RIC3: variants seen among roughly 807,000 people sequenced by gnomAD.
RIC3 encodes RIC3 acetylcholine receptor chaperone.
A neutral mutation model predicts 27.3 loss-of-function variants in RIC3; 28 were observed. That is an observed-to-expected ratio of 1.02 (90% CI 0.76 to 1.41). The LOEUF (loss-of-function observed/expected upper bound fraction) is 1.41, where lower values mean the gene tolerates loss of function less well. RIC3 is among the 40% of genes most tolerant of loss of function. RIC3 has a pLI of 0.00. For synonymous variants in RIC3, 184 were observed against 160.4 expected (o/e 1.15, Z -1.11); for missense variants, 501 against 444.7 (o/e 1.13, Z -1.14).
At chr11:8,167,251 CA>C (rs1474232523) in intron 1 of RIC3, among the ~76,000 whole-genome samples, 1 of 151,540 alleles carries the variant, frequency 6.6e-6, no homozygotes, top group African/African-American at 2.4e-5. Flanking sequence ...AAGGTGAAGA[CA>C]AAAAAACAAA....
Position 8,140,113 on chromosome 11 carries a change from T to TC in RIC3, c.204dup (p.Arg69GlufsTer23). On this transcript the variant is annotated frameshift_variant, in exon 2 of 6. Coordinates refer to ENST00000309737, the MANE Select transcript of RIC3 (RefSeq NM_001206671.4). LOFTEE classifies it high-confidence loss of function. Reference sequence around the variant, plus strand: ...GCAAATGCCTCGGCAAGGTGAGACCTCTGGAAACGAGCCCCAGGAGTCTGG... The same window carrying TC: ...GCAAATGCCTCGGCAAGGTGAGACCTCCTGGAAACGAGCCCCAGGAGTCTGG... 6.2e-7 allele frequency: 1 copy of TC among 1,614,102 alleles called. No individual in the cohort carries two copies. Among genetic ancestry groups the TC allele is most frequent in the Non-Finnish European group, 8.5e-7 (1 of 1,180,012 alleles).
chr11:8,100,625 C>G, the RIC3 span: 15 of 1,604,948 alleles, frequency 9.3e-6, no homozygotes, highest in East Asian at 6.7e-5. Flanking sequence ...CCTTCCTCCC[C>G]TCTTTCCCCA....
rs1403603539 is a variant in RIC3 at position 8,106,251 on chromosome 11, G to T, written c.*4447C>A. 1 of 152,068 alleles carries T rather than the reference G, an allele frequency of 6.6e-6. No individual in the cohort carries two copies. Among genetic ancestry groups the T allele is most frequent in the Non-Finnish European group, 1.5e-5 (1 of 68,002 alleles). 9.4% of individuals were successfully genotyped at this position (152,068 alleles called of 1,614,324 possible). On this transcript the variant is annotated 3_prime_UTR_variant, in exon 6 of 6. Coordinates refer to ENST00000309737, the MANE Select transcript of RIC3 (RefSeq NM_001206671.4). ...ACTTGAATCGTTTCAACACTTCTGT[G>T]TACTTTTTTCATAAAGGGGAAAAAA...
rs551935966 is a variant in RIC3, at chr11:8,140,098, C to A, written c.220G>T (p.Glu74Ter). The A allele has an allele frequency of 4.3e-6, 7 of 1,613,992 alleles. No homozygotes were observed. The highest frequency in any genetic ancestry group is 4.0e-5 in the African/African-American group (3 of 74,898). Residue 74 changes from glutamate to a stop codon, truncating the protein, a stop_gained, in exon 2 of 6, where the codon GAG (glutamate) becomes TAG (stop). Transcript: ENST00000309737. LOFTEE classifies it high-confidence loss of function. ...GATCCTTTGGCCTTTGCAAATGCCT[C>A]GGCAAGGTGAGACCTCTGGAAACGA... ...GARFQRSHLA[E>*]AFAKAKGSGG...
chr11:8,105,684 T>TTCATCACTACCTTTATAGCTC (rs368807434), downstream of RIC3: 3 of 152,314 alleles, frequency 2.0e-5, no homozygotes, highest in Admixed American at 6.5e-5. Flanking sequence ...ATTCCTTGCT[T>TTCATCACTACCTTTATAGCTC]TCATCACTAC....
downstream of RIC3, chr11:8,102,144 C>T (rs1015459100): frequency 4.6e-5 from 7 of 152,950 alleles, no homozygotes; most frequent in African/African-American, 1.7e-4. Context: ...CTGCAGAAAG[C>T]CCTTCAACTT....
Position 8,107,244 on chromosome 11 carries a change from G to A in RIC3, c.*3454C>T, listed in dbSNP as rs1944765472. 6.6e-6 allele frequency: 1 copy of A among 152,222 alleles called. No homozygotes were observed. The highest frequency in any genetic ancestry group is 2.1e-4 in the South Asian group (1 of 4,832). The allele number at this position is 152,222 out of a possible 1,614,324, so 9.4% of individuals were successfully genotyped here. A position where few individuals can be genotyped will look rare whatever the true frequency, so the allele number is the denominator to read the frequency against. On this transcript the variant is annotated 3_prime_UTR_variant, in exon 6 of 6. Coordinates refer to ENST00000309737, the MANE Select transcript of RIC3 (RefSeq NM_001206671.4). ...TTTTCTTTGGAATACAAATAGTCCA[G>A]ATTGAAGAGAACTTTGAGAGTGTGG...
intron 5 of RIC3, among the ~76,000 whole-genome samples, chr11:8,119,987 G>A (rs576529234): frequency 6.6e-6 from 1 of 152,320 alleles, no homozygotes; most frequent in East Asian, 1.9e-4. Context: ...AAACCACAAT[G>A]AGATACCATC....
chr11:8,160,244 G>A (rs2134263527), intron 1 of RIC3, among the ~76,000 whole-genome samples: 1 of 152,268 alleles, frequency 6.6e-6, no homozygotes, highest in East Asian at 1.9e-4. Context: ...TCCAGTGAAT[G>A]GGGGGAAAAG....
At chr11:8,147,724 AT>A (rs900780947) in intron 1 of RIC3, among the ~76,000 whole-genome samples, 5,119 of 124,512 alleles carry the variant, frequency 0.041, 217 homozygotes, top group African/African-American at 0.13. Context: ...CTTGCGTAAG[AT>A]TTTTTTTTTT....
At chr11:8,126,491 T>C (rs567070640) in intron 5 of RIC3, among the ~76,000 whole-genome samples, 168 bp downstream of exon 5, 1 of 152,336 alleles carries the variant, frequency 6.6e-6, no homozygotes, top group East Asian at 1.9e-4. Flanking sequence ...TACGGTGTGA[T>C]TACACAAACT....
intron 4 of RIC3, among the ~76,000 whole-genome samples, chr11:8,130,028 T>C (rs1947498028): frequency 6.6e-6 from 1 of 152,258 alleles, no homozygotes; most frequent in Non-Finnish European, 1.5e-5. Context: ...AATGCCATAA[T>C]CTTCCTTCCA....
chr11:8,157,063 G>A (rs1012599565), intron 1 of RIC3, among the ~76,000 whole-genome samples: 5 of 152,134 alleles, frequency 3.3e-5, no homozygotes, highest in African/African-American at 7.2e-5. Flanking sequence ...TCACAGATAA[G>A]TTGTGGTGTT....
intron 1 of RIC3, among the ~76,000 whole-genome samples, chr11:8,152,597 C>A (rs1198045852): frequency 6.6e-6 from 1 of 152,064 alleles, no homozygotes. Context: ...AAGTGACTGC[C>A]TAATGTGTAT....
chr11:8,100,741 ACCC>A, the RIC3 span: 2 of 1,575,560 alleles, frequency 1.3e-6, no homozygotes, highest in Non-Finnish European at 1.7e-6. Flanking sequence ...AAATCCAAGG[ACCC>A]CCATTCCCGG....
intron 1 of RIC3, among the ~76,000 whole-genome samples, chr11:8,160,099 T>C (rs1280997523): frequency 6.6e-6 from 1 of 152,200 alleles, no homozygotes; most frequent in Admixed American, 6.5e-5. Flanking sequence ...TTTAATGACA[T>C]CAAGGAAGTA....
intron 1 of RIC3, among the ~76,000 whole-genome samples, chr11:8,142,337 A>C (rs1477856525): frequency 6.6e-6 from 1 of 150,496 alleles, no homozygotes; most frequent in African/African-American, 2.5e-5. Context: ...AAAAATGATA[A>C]AGGGGATATC....
intron 4 of RIC3, among the ~76,000 whole-genome samples, chr11:8,130,013 T>C (rs1947497182): frequency 6.6e-6 from 1 of 152,236 alleles, no homozygotes; most frequent in African/African-American, 2.4e-5. Flanking sequence ...TATTTTATCT[T>C]AGTTAATGCC....
intron 4 of RIC3, among the ~76,000 whole-genome samples, chr11:8,132,405 G>T (rs976590395): frequency 3.3e-5 from 5 of 152,188 alleles, no homozygotes; most frequent in Non-Finnish European, 7.3e-5. Context: ...ATATGTGTGT[G>T]TTGTGGGGGA....
Sources: gnomAD v4.1 joint callset for allele counts (sites outside exome capture counted in the v4.1 genomes callset) on GRCh38, gnomAD v4.1.1 for gene constraint, MANE v1.5 for transcripts, NCBI Gene and HGNC (gene_info 2026-07-23, HGNC 2026-07-21) for gene names.